Variants in CLTC observed in about 807,000 individuals in gnomAD.
CLTC encodes the protein clathrin heavy chain.
Under a neutral mutation model 195.8 loss-of-function variants are expected in CLTC, and 16 were observed. The ratio of observed to expected loss-of-function variants is 0.08; its 90% CI spans 0.06 to 0.12. The LOEUF (loss-of-function observed/expected upper bound fraction) is 0.12, where lower values mean the gene tolerates loss of function less well. Ranked by LOEUF, CLTC falls within the 10% of genes least tolerant of loss-of-function variation. The probability of loss-of-function intolerance (pLI) is 1.00; values close to 1 mark genes in which losing one functional copy is unlikely to be tolerated. For synonymous variants in CLTC, 667 were observed against 689.4 expected (o/e 0.97, Z 0.51); for missense variants, 796 against 2,027.0 (o/e 0.39, Z 11.66).
chr17:59,623,538 C>G (rs191367342), intron 1 of CLTC, among the ~76,000 whole-genome samples: 5 of 152,254 alleles, frequency 3.3e-5, no homozygotes, highest in African/African-American at 1.2e-4. Context: ...TAGGAAAATT[C>G]ACATTTCAGG....
Position 59,682,513 on chromosome 17 carries a change from C to A in CLTC, c.3600+85C>A. Reference sequence around the variant, plus strand: ...ATCAAAACATCATAACTGAAGAATTCCAAGGAAAAATCTATAGGAAAACAA... The same window carrying A: ...ATCAAAACATCATAACTGAAGAATTACAAGGAAAAATCTATAGGAAAACAA... On this transcript the variant is annotated intron_variant, in intron 22 of 31. Coordinates refer to ENST00000269122, the MANE Select transcript of CLTC (RefSeq NM_004859.4). This position sits in a 1 kb window ranked among gnomAD's most constrained non-coding sequence, Gnocchi z 6.8. 1.3e-6 allele frequency: 2 copies of A among 1,579,942 alleles called. No individual in the cohort carries two copies. Among genetic ancestry groups the A allele is most frequent in the Non-Finnish European group, 8.6e-7 (1 of 1,160,084 alleles).
intron 30 of CLTC, chr17:59,690,299 T>A (rs1215395658): frequency 1.0e-5 from 2 of 198,670 alleles, no homozygotes; most frequent in Non-Finnish European, 1.0e-5. Context: ...ATGAATTCAT[T>A]ATTACCTCTG....
rs569679231 is a variant in CLTC at position 59,675,691 on chromosome 17, GGTTCA to G, written c.2561+852_2561+856del. Reference sequence around the variant, plus strand: ...CATAACAATTTAACATTTAATAAGAGGTTCAGTTGAGTCTGAACCTATTGAATCTA... The same window carrying G: ...CATAACAATTTAACATTTAATAAGAGGTTGAGTCTGAACCTATTGAATCTA... On this transcript the variant is annotated intron_variant, in intron 16 of 31. Coordinates refer to ENST00000269122, the MANE Select transcript of CLTC (RefSeq NM_004859.4). 2.0e-3 allele frequency among the ~76,000 whole-genome samples: 304 copies of G among 152,250 alleles called. 3 individuals are homozygous for G. Among genetic ancestry groups the G allele is most frequent in the African/African-American group, 7.2e-3 (299 of 41,548 alleles).
At chr17:59,635,414 A>G (rs1170981492) in intron 1 of CLTC, among the ~76,000 whole-genome samples, 2 of 152,224 alleles carry the variant, frequency 1.3e-5, no homozygotes, top group Non-Finnish European at 2.9e-5. Flanking sequence ...AGAGAAGCCA[A>G]TTTCCAATGA....
chr17:59,650,811 T>A (rs1012305447), intron 4 of CLTC, among the ~76,000 whole-genome samples: 1 of 152,152 alleles, frequency 6.6e-6, no homozygotes, highest in Non-Finnish European at 1.5e-5. Flanking sequence ...CATTTTATCA[T>A]GAGTAGATAA....
chr17:59,632,574 C>T (rs1181205031), intron 1 of CLTC, among the ~76,000 whole-genome samples: 3 of 151,976 alleles, frequency 2.0e-5, no homozygotes, highest in Non-Finnish European at 2.9e-5. Flanking sequence ...ACCCAGGAGC[C>T]GGAGGTTGCA....
intron 8 of CLTC, among the ~76,000 whole-genome samples, chr17:59,661,872 G>A (rs761355206): frequency 6.6e-6 from 1 of 152,082 alleles, no homozygotes; most frequent in Non-Finnish European, 1.5e-5. Context: ...GGAGGCCATG[G>A]TGGGTGGATC....
Position 59,693,922 on chromosome 17 carries a change from T to C in CLTC, c.*70T>C, listed in dbSNP as rs2033366577. On this transcript the variant is annotated 3_prime_UTR_variant, in exon 32 of 32. Coordinates refer to ENST00000269122, the MANE Select transcript of CLTC (RefSeq NM_004859.4). ...TCGTCTTTACCCACTTCTCAGTTTA[T>C]AATGGGGGAAAACAGGCAACGTGTT... The C allele has an allele frequency of 6.9e-7, 1 of 1,445,322 alleles. No individual in the cohort carries two copies. The highest frequency in any genetic ancestry group is 9.2e-7 in the Non-Finnish European group (1 of 1,088,844). 89.5% of individuals were successfully genotyped at this position (1,445,322 alleles called of 1,614,324 possible). A position where few individuals can be genotyped will look rare whatever the true frequency, so the allele number is the denominator to read the frequency against.
At chr17:59,680,875 T>G (rs749279549) in intron 18 of CLTC, 37 bp from the exon 19 acceptor site, 3 of 1,507,410 alleles carry the variant, frequency 2.0e-6, no homozygotes, top group Non-Finnish European at 1.8e-6. Flanking sequence ...AAAACCAACT[T>G]GATTCTCAGT....
chr17:59,660,279 T>C, intron 6 of CLTC, 112 bp from the exon 7 acceptor site: 1 of 855,954 alleles, frequency 1.2e-6, no homozygotes, highest in Admixed American at 2.7e-5. Flanking sequence ...AGAAAACAGC[T>C]GTCACAATTT....
At chr17:59,628,825 A>AT (rs970851316) in intron 1 of CLTC, among the ~76,000 whole-genome samples, 5 of 151,810 alleles carry the variant, frequency 3.3e-5, no homozygotes, top group South Asian at 4.2e-4. Flanking sequence ...GGCCTGGCGA[A>AT]TTTTTTTTGT....
chr17:59,687,104 A>ACTG (rs1211271725), intron 30 of CLTC: 3 of 679,136 alleles, frequency 4.4e-6, no homozygotes, highest in Non-Finnish European at 5.5e-6. Context: ...CCTCTTCTAC[A>ACTG]CTGCTGCTGC....
intron 16 of CLTC, among the ~76,000 whole-genome samples, chr17:59,675,140 C>T (rs2032937325): frequency 6.6e-6 from 1 of 152,028 alleles, no homozygotes; most frequent in Non-Finnish European, 1.5e-5. Flanking sequence ...ACTAAGTCTC[C>T]TGTTTAGGTG....
In CLTC at chr17:59,620,054, C is replaced by T. The variant is rs2031311980; in HGVS notation, c.-78C>T. On this transcript the variant is annotated 5_prime_UTR_variant, in exon 1 of 32. Transcript: ENST00000269122. ...CCAGCCTCCCCCCTCCCCTTCTCCTCCTCTCCCTTGGAGAGCCCGGGCAGC... is the reference window on the plus strand; with the variant it reads ...CCAGCCTCCCCCCTCCCCTTCTCCTTCTCTCCCTTGGAGAGCCCGGGCAGC... The T allele has an allele frequency of 6.5e-6, 9 of 1,385,464 alleles. No individual in the cohort carries two copies. The highest frequency in any genetic ancestry group is 8.2e-6 in the Non-Finnish European group (8 of 978,652). The allele number at this position is 1,385,464 out of a possible 1,614,324, so 85.8% of individuals were successfully genotyped here. A position where few individuals can be genotyped will look rare whatever the true frequency, so the allele number is the denominator to read the frequency against.
intron 28 of CLTC, 112 bp downstream of exon 28, chr17:59,684,097 C>G (rs1358448471): frequency 4.6e-6 from 3 of 647,534 alleles, no homozygotes; most frequent in Non-Finnish European, 8.0e-6. Context: ...GCTTGCATAC[C>G]TAGGATCTAA....
chr17:59,666,864 C>G lies in CLTC; in HGVS notation c.2015C>G (p.Ser672Cys). ...CTAGAATGTCTCAGAGCCATGCTGT[C>G]TGCCAACATCCGTCAGAATCTGCAG... ...DSLECLRAML[S>C]ANIRQNLQIC... Residue 672 changes from serine to cysteine, a missense_variant, in exon 13 of 32, where the codon TCT becomes TGT. Coordinates refer to ENST00000269122, the MANE Select transcript of CLTC (RefSeq NM_004859.4). The surrounding 1 kb of genome is among the most constrained non-coding windows in gnomAD (Gnocchi z 4.9). 1 of 1,614,000 alleles carries G rather than the reference C, an allele frequency of 6.2e-7. No individual in the cohort carries two copies. The highest frequency in any genetic ancestry group is 8.5e-7 in the Non-Finnish European group (1 of 1,179,924).
intron 31 of CLTC, among the ~76,000 whole-genome samples, chr17:59,693,142 T>C (rs746745314): frequency 6.6e-6 from 1 of 152,094 alleles, no homozygotes; most frequent in Non-Finnish European, 1.5e-5. Context: ...CAAGATGGGC[T>C]GATCACTTGT....
Position 59,681,500 on chromosome 17 carries a change from G to C in CLTC, c.3249+22G>C. 6.2e-7 allele frequency: 1 copy of C among 1,612,266 alleles called. No individual in the cohort carries two copies. The highest frequency in any genetic ancestry group is 1.1e-5 in the South Asian group (1 of 90,974). On this transcript the variant is annotated intron_variant, in intron 20 of 31. Coordinates refer to ENST00000269122, the MANE Select transcript of CLTC (RefSeq NM_004859.4). The surrounding 1 kb of genome is among the most constrained non-coding windows in gnomAD (Gnocchi z 5.0). ...TCAGGTAAATCTTCAGATTACCTAAGTTGAATTACTAAACACTGTGCTATG... is the reference window on the plus strand; with the variant it reads ...TCAGGTAAATCTTCAGATTACCTAACTTGAATTACTAAACACTGTGCTATG...
Position 59,682,873 on chromosome 17 carries a change from AT to A in CLTC, c.3766-31del. 6.2e-7 allele frequency: 1 copy of A among 1,612,166 alleles called. No homozygotes were observed. The highest frequency in any genetic ancestry group is 2.2e-5 in the East Asian group (1 of 44,852). On this transcript the variant is annotated intron_variant, in intron 23 of 31. Coordinates refer to ENST00000269122, the MANE Select transcript of CLTC (RefSeq NM_004859.4). This position sits in a 1 kb window ranked among gnomAD's most constrained non-coding sequence, Gnocchi z 6.8. ...GTTTAAATAACTAGCCATGTTTTAC[AT>A]TTGAGTTCACAGAAAGGAAATGTTT... is the stretch of plus-strand genomic sequence containing the variant.
Sources: allele counts gnomAD v4.1 joint callset (sites outside exome capture counted in the v4.1 genomes callset), GRCh38; gene constraint gnomAD v4.1.1; non-coding constraint Gnocchi (gnomAD v3.1); transcripts MANE v1.5; gene names NCBI Gene and HGNC (gene_info 2026-07-23, HGNC 2026-07-21).